SUPT3H: variants seen among roughly 807,000 people sequenced by gnomAD.
The protein encoded by SUPT3H is transcription initiation protein SPT3 homolog.
In SUPT3H, 44 loss-of-function variants were observed where a neutral mutation model predicts 44.3. That is an observed-to-expected ratio of 0.99 (90% CI 0.78 to 1.28). The LOEUF (loss-of-function observed/expected upper bound fraction) is 1.28, where lower values mean the gene tolerates loss of function less well. Ranked by LOEUF, SUPT3H falls within the 50% of genes most tolerant of loss-of-function variation. The pLI is 0.00. For missense variants in SUPT3H, 380 were observed against 387.1 expected, an observed-to-expected ratio of 0.98 and a Z score of 0.15; for synonymous variants, 124 against 125.6, an observed-to-expected ratio of 0.99 and a Z score of 0.09.
intron 2 of SUPT3H, among the ~76,000 whole-genome samples, chr6:45,336,295 G>A (rs1172775603): frequency 6.6e-6 from 1 of 151,368 alleles, no homozygotes; most frequent in Non-Finnish European, 1.5e-5. Flanking sequence ...ATGTAGTAAA[G>A]ATTTAACAAT....
intron 5 of SUPT3H, among the ~76,000 whole-genome samples, chr6:45,007,355 T>A (rs1018952669): frequency 1.2e-4 from 18 of 152,210 alleles, no homozygotes; most frequent in African/African-American, 3.8e-4. Context: ...CTCTCCTCCA[T>A]CTCCTACTTT....
Position 45,273,698 on chromosome 6 carries a change from G to A in SUPT3H, c.101+91503C>T, listed in dbSNP as rs533903738. ...TTAATTGTATGACTCCTCCACATTT[G>A]CTATCCATTCATCAGGTAACAAATA... On this transcript the variant is annotated intron_variant, in intron 2 of 10. Coordinates refer to ENST00000371459, the MANE Select transcript of SUPT3H (RefSeq NM_003599.4). Among the ~76,000 whole-genome samples the A allele has an allele frequency of 3.3e-5, 5 of 152,032 alleles. No homozygotes were observed. In the East Asian group the frequency reaches 7.7e-4, roughly 23 times the overall value.
rs556083152 is a variant in SUPT3H, at chr6:44,886,218, C to T, written c.912+46435G>A. Among the ~76,000 whole-genome samples, 106 of 152,166 alleles carry T rather than the reference C, an allele frequency of 7.0e-4. 1 individual carries two copies. The highest frequency in any genetic ancestry group is 3.4e-3 in the Middle Eastern group (1 of 294). ...GCAGGATATTATCCAGGAGAACTTC[C>T]CCAATCTAGCAAGGCAGGCCAACGT... is the stretch of plus-strand genomic sequence containing the variant. On this transcript the variant is annotated intron_variant, in intron 10 of 10. Transcript: ENST00000371459.
intron 2 of SUPT3H, among the ~76,000 whole-genome samples, chr6:45,143,545 A>C (rs10080909): frequency 0.14 from 21,740 of 152,068 alleles, 2,109 homozygotes; most frequent in African/African-American, 0.27. Flanking sequence ...GGGATACAGC[A>C]AAAGTAGTGC....
At chr6:45,175,488 C>A (rs1811596350) in intron 2 of SUPT3H, among the ~76,000 whole-genome samples, 2 of 152,282 alleles carry the variant, frequency 1.3e-5, no homozygotes, top group South Asian at 4.2e-4. Context: ...TCTCTCCCTT[C>A]ACACGTGGGG....
intron 10 of SUPT3H, among the ~76,000 whole-genome samples, chr6:44,877,231 C>A: frequency 6.6e-6 from 1 of 152,156 alleles, no homozygotes; most frequent in East Asian, 1.9e-4. Context: ...CTTTGGGAGG[C>A]TGAAGCAGGC....
At chr6:45,346,567 C>CTTTTTTTTTTT (rs71745024) in intron 2 of SUPT3H, among the ~76,000 whole-genome samples, 5 of 140,430 alleles carry the variant, frequency 3.6e-5, no homozygotes, top group Non-Finnish European at 7.6e-5. Context: ...ATAAACATTT[C>CTTTTTTTTTTT]TTTTTTTTTT....
chr6:45,045,728 CT>C (rs1229406204), intron 3 of SUPT3H, among the ~76,000 whole-genome samples: 1 of 152,096 alleles, frequency 6.6e-6, no homozygotes, highest in East Asian at 1.9e-4. Context: ...TATAAAGTGT[CT>C]ATACAAGTTT....
At chr6:45,306,891 C>G (rs745495753) in intron 2 of SUPT3H, among the ~76,000 whole-genome samples, 21 of 151,972 alleles carry the variant, frequency 1.4e-4, no homozygotes, top group Non-Finnish European at 2.8e-4. Flanking sequence ...CATGGCCAAG[C>G]AAAGCTGGAA....
At chr6:44,954,195 A>C (rs998758877) in intron 8 of SUPT3H, among the ~76,000 whole-genome samples, 1 of 152,242 alleles carries the variant, frequency 6.6e-6, no homozygotes, top group East Asian at 1.9e-4. Context: ...TCAAAGCTCA[A>C]AAATAATCTC....
chr6:44,913,016 T>C (rs1767295514), intron 10 of SUPT3H, among the ~76,000 whole-genome samples: 1 of 152,218 alleles, frequency 6.6e-6, no homozygotes, highest in Non-Finnish European at 1.5e-5. Context: ...CATTCTTCTT[T>C]GTTCATCAGA....
At chr6:44,822,680 G>T (rs1242309758), downstream of SUPT3H, among the ~76,000 whole-genome samples, 1 of 152,116 alleles carries the variant, frequency 6.6e-6, no homozygotes, top group Non-Finnish European at 1.5e-5. Flanking sequence ...CTTTAAATTG[G>T]TTTTTCTGAG....
chr6:45,188,737 T>C (rs1220712404), intron 2 of SUPT3H, among the ~76,000 whole-genome samples: 1 of 149,502 alleles, frequency 6.7e-6, no homozygotes, highest in Admixed American at 6.7e-5. Flanking sequence ...CATTTCATGA[T>C]TTAAAAAAAA....
At chr6:45,330,740 A>C (rs966197001) in intron 2 of SUPT3H, among the ~76,000 whole-genome samples, 1 of 151,704 alleles carries the variant, frequency 6.6e-6, no homozygotes, top group African/African-American at 2.4e-5. Context: ...CCAACATTAC[A>C]ACCAGTTCTT....
chr6:45,211,843 G>A (rs935393911), intron 2 of SUPT3H, among the ~76,000 whole-genome samples: 3 of 146,222 alleles, frequency 2.1e-5, no homozygotes, highest in Non-Finnish European at 3.0e-5. Flanking sequence ...GCAAGACTCC[G>A]TCTCAACTAA....
chr6:45,348,062 C>A (rs1228047507), intron 2 of SUPT3H, among the ~76,000 whole-genome samples: 1 of 151,800 alleles, frequency 6.6e-6, no homozygotes, highest in African/African-American at 2.4e-5. Context: ...TGTATGTATC[C>A]CTCTAAATGG....
rs567637241 is a variant in SUPT3H, at chr6:45,172,895, AT to A, written c.102-66890del. Among the ~76,000 whole-genome samples the A allele has an allele frequency of 4.0e-3, 616 of 152,306 alleles. 2 individuals are homozygous for A. The highest frequency in any genetic ancestry group is 5.2e-3 in the Admixed American group (80 of 15,302). Reference sequence around the variant, plus strand: ...GTGAGCCACCACACCCGGCCCAGATATTTTTAAAAATTCGTAGTTGAGGAAT... The same window carrying A: ...GTGAGCCACCACACCCGGCCCAGATATTTTAAAAATTCGTAGTTGAGGAAT... On this transcript the variant is annotated intron_variant, in intron 2 of 10. Coordinates refer to ENST00000371459, the MANE Select transcript of SUPT3H (RefSeq NM_003599.4).
At chr6:44,955,759 T>G (rs979776158) in intron 7 of SUPT3H, among the ~76,000 whole-genome samples, 9 of 152,160 alleles carry the variant, frequency 5.9e-5, no homozygotes, top group African/African-American at 1.7e-4. Context: ...GATAAAAGAC[T>G]GCACATTGGG....
chr6:45,200,973 T>C (rs543983969), intron 2 of SUPT3H, among the ~76,000 whole-genome samples: 34 of 151,700 alleles, frequency 2.2e-4, no homozygotes, highest in African/African-American at 7.5e-4. Flanking sequence ...TGTACAAATA[T>C]ACACATAAGC....
Sources: gnomAD v4.1 joint callset for allele counts (sites outside exome capture counted in the v4.1 genomes callset) on GRCh38, gnomAD v4.1.1 for gene constraint, MANE v1.5 for transcripts, NCBI Gene and HGNC (gene_info 2026-07-23, HGNC 2026-07-21) for gene names.